The following ABLIM2 variants were observed in gnomAD, a reference collection of about 807,000 sequenced individuals.
ABLIM2 encodes the protein actin-binding LIM protein 2.
Under a neutral mutation model 97.7 loss-of-function variants are expected in ABLIM2, and 53 were observed. The ratio of observed to expected loss-of-function variants is 0.54; its 90% CI spans 0.44 to 0.68. The LOEUF is 0.68. Among genes scored for constraint, ABLIM2 ranks in the 30% least tolerant of loss-of-function variants. The pLI is 0.00. For synonymous variants in ABLIM2, 361 were observed against 345.8 expected (o/e 1.04, Z -0.49); for missense variants, 835 against 867.2 (o/e 0.96, Z 0.47).
chr4:8,051,560 C>T (rs1230108396), intron 8 of ABLIM2, among the ~76,000 whole-genome samples: 3 of 62,412 alleles, frequency 4.8e-5, no homozygotes, highest in African/African-American at 2.7e-4. Flanking sequence ...GAGATTCCAT[C>T]TCAAAAAAAA....
chr4:8,029,817 G>T, intron 10 of ABLIM2, 41 bp from the exon 11 acceptor site: 1 of 1,549,404 alleles, frequency 6.5e-7, no homozygotes, highest in Non-Finnish European at 8.7e-7. Context: ...GGAGCCGGGA[G>T]CACTTCCCAC....
At chr4:7,993,408 G>C (rs1750547777) in intron 16 of ABLIM2, among the ~76,000 whole-genome samples, 2 of 152,256 alleles carry the variant, frequency 1.3e-5, no homozygotes, top group Non-Finnish European at 2.9e-5. Context: ...TCTTGGCTGG[G>C]CATGTTGGCT....
chr4:8,045,579 G>A (rs1251168741), intron 8 of ABLIM2, among the ~76,000 whole-genome samples: 2 of 152,180 alleles, frequency 1.3e-5, no homozygotes, highest in Admixed American at 1.3e-4. Flanking sequence ...AACCTGGGAG[G>A]CGGTGCTCAG....
At chr4:8,102,864 C>T (rs576458529) in intron 2 of ABLIM2, among the ~76,000 whole-genome samples, 7 of 152,306 alleles carry the variant, frequency 4.6e-5, no homozygotes, top group African/African-American at 1.7e-4. Flanking sequence ...TCCTCTTTGC[C>T]GGTGGGGGTG....
At chr4:8,108,918 GGTGC>G (rs1057013248) in intron 1 of ABLIM2, among the ~76,000 whole-genome samples, 5 of 152,248 alleles carry the variant, frequency 3.3e-5, no homozygotes, top group Non-Finnish European at 5.9e-5. Flanking sequence ...CCAGGCTGTG[GGTGC>G]GATGGTCTAT....
At chr4:8,059,268 A>C (rs564976642) in intron 7 of ABLIM2, among the ~76,000 whole-genome samples, 15 of 152,056 alleles carry the variant, frequency 9.9e-5, no homozygotes, top group Non-Finnish European at 1.6e-4. Context: ...GCTGCCCCTG[A>C]CATGCCCCTC....
At chr4:8,024,126 GC>G (rs1201337902) in intron 12 of ABLIM2, among the ~76,000 whole-genome samples, 1 of 152,178 alleles carries the variant, frequency 6.6e-6, no homozygotes, top group Non-Finnish European at 1.5e-5. Context: ...GAGGGTGCGG[GC>G]CTGGACCTGA....
chr4:7,996,391 G>T lies in ABLIM2; in HGVS notation c.1619-3464C>A, dbSNP rs1038384105. On this transcript the variant is annotated intron_variant, in intron 16 of 20. Coordinates refer to ENST00000447017, the MANE Select transcript of ABLIM2 (RefSeq NM_001130083.2). The surrounding 1 kb of genome is among the most constrained non-coding windows in gnomAD (Gnocchi z 4.5). Reference sequence around the variant, plus strand: ...GCCTGCCCCTGGAGTCACCTGGACAGCGTGCCAGGTTCCCAGTGCCCAGGC... The same window carrying T: ...GCCTGCCCCTGGAGTCACCTGGACATCGTGCCAGGTTCCCAGTGCCCAGGC... Among the ~76,000 whole-genome samples the T allele has an allele frequency of 6.6e-6, 1 of 152,210 alleles. No homozygotes were observed. The highest frequency in any genetic ancestry group is 2.4e-5 in the African/African-American group (1 of 41,460).
chr4:8,153,218 C>T (rs6823593), intron 1 of ABLIM2, among the ~76,000 whole-genome samples: 141,858 of 152,222 alleles, frequency 0.93, 66,879 homozygotes, highest in East Asian at 1. Flanking sequence ...GCCCAGGGTG[C>T]GGGCCAGGCA....
intron 3 of ABLIM2, among the ~76,000 whole-genome samples, chr4:8,091,716 A>T (rs62650549): frequency 0.044 from 3,399 of 76,920 alleles, 349 homozygotes; most frequent in Non-Finnish European, 0.059. Context: ...TAATATAATT[A>T]TATAATATAT....
chr4:7,971,146 T>C (rs1032260320), intron 20 of ABLIM2, among the ~76,000 whole-genome samples: 14 of 152,110 alleles, frequency 9.2e-5, no homozygotes, highest in African/African-American at 3.4e-4. Context: ...CAAAGGTCCT[T>C]ACTCTGTGGC....
chr4:8,009,686 G>A (rs758640645), intron 14 of ABLIM2, among the ~76,000 whole-genome samples: 5 of 152,166 alleles, frequency 3.3e-5, no homozygotes, highest in Admixed American at 1.3e-4. Flanking sequence ...ATGAGCCACC[G>A]CACCTGGCCC....
rs1757316158 is a variant in ABLIM2 at position 8,001,719 on chromosome 4, G to A, written c.1618+6340C>T. Among the ~76,000 whole-genome samples the A allele has an allele frequency of 6.6e-6, 1 of 152,038 alleles. No individual in the cohort carries two copies. The highest frequency in any genetic ancestry group is 2.4e-5 in the African/African-American group (1 of 41,406). On this transcript the variant is annotated intron_variant, in intron 16 of 20. Transcript: ENST00000447017. This position sits in a 1 kb window ranked among gnomAD's most constrained non-coding sequence, Gnocchi z 4.2. Reference sequence around the variant, plus strand: ...ACTAGCTGGATGCCAAGGTGGCCACGCCTGAGCCCCCAGCTCTCCCTGGGC... The same window carrying A: ...ACTAGCTGGATGCCAAGGTGGCCACACCTGAGCCCCCAGCTCTCCCTGGGC...
In ABLIM2 at chr4:7,970,118, T is replaced by G. The variant is rs1243525664; in HGVS notation, c.1825-3015A>C. On this transcript the variant is annotated intron_variant, in intron 20 of 20. Transcript: ENST00000447017. This position sits in a 1 kb window ranked among gnomAD's most constrained non-coding sequence, Gnocchi z 5.3. ...ATTTCTAGCTTTATCCAAGACCTGGTGATACCAGACCTTGTTCCAGACATG... is the reference window on the plus strand; with the variant it reads ...ATTTCTAGCTTTATCCAAGACCTGGGGATACCAGACCTTGTTCCAGACATG... Among the ~76,000 whole-genome samples the G allele has an allele frequency of 6.6e-6, 1 of 152,154 alleles. No homozygotes were observed. Among genetic ancestry groups the G allele is most frequent in the South Asian group, 2.1e-4 (1 of 4,820 alleles).
intron 7 of ABLIM2, among the ~76,000 whole-genome samples, chr4:8,060,562 G>T (rs1802331897): frequency 6.6e-6 from 1 of 152,192 alleles, no homozygotes; most frequent in Admixed American, 6.5e-5. Flanking sequence ...AGGCTGGGGT[G>T]GCTGGGGCGG....
chr4:8,035,835 A>C (rs1216925533), intron 10 of ABLIM2, among the ~76,000 whole-genome samples: 3 of 152,192 alleles, frequency 2.0e-5, no homozygotes, highest in Non-Finnish European at 4.4e-5. Context: ...ACTTAAGAAA[A>C]TTAGGAGATT....
intron 1 of ABLIM2, among the ~76,000 whole-genome samples, chr4:8,138,792 A>T (rs924513180): frequency 6.6e-6 from 1 of 152,266 alleles, no homozygotes; most frequent in Non-Finnish European, 1.5e-5. Context: ...CATTCAGGAC[A>T]CAGGTATGGG....
chr4:8,092,529 C>T (rs1191528981), intron 3 of ABLIM2, among the ~76,000 whole-genome samples: 2 of 152,168 alleles, frequency 1.3e-5, no homozygotes, highest in African/African-American at 4.8e-5. Flanking sequence ...TAACTGTTTC[C>T]TGGACTCCCT....
In ABLIM2 at chr4:8,083,156, G is replaced by T. The variant is rs1341269237; in HGVS notation, c.455-2354C>A. On this transcript the variant is annotated intron_variant, in intron 4 of 20. Coordinates refer to ENST00000447017, the MANE Select transcript of ABLIM2 (RefSeq NM_001130083.2). This position sits in a 1 kb window ranked among gnomAD's most constrained non-coding sequence, Gnocchi z 4.6. ...GATCCCCGGCTCCAAGCCTCTGTTG[G>T]CTTCTCTGCATGTCAAGGGAGCACA... Among the ~76,000 whole-genome samples the T allele has an allele frequency of 6.6e-6, 1 of 152,166 alleles. No individual in the cohort carries two copies. The highest frequency in any genetic ancestry group is 2.4e-5 in the African/African-American group (1 of 41,442).
Sources: gnomAD v4.1 joint callset for allele counts (sites outside exome capture counted in the v4.1 genomes callset) on GRCh38, gnomAD v4.1.1 for gene constraint, Gnocchi (gnomAD v3.1) non-coding constraint, MANE v1.5 for transcripts, NCBI Gene and HGNC (gene_info 2026-07-23, HGNC 2026-07-21) for gene names.